Variants in NAV3 observed in about 807,000 individuals in gnomAD.
NAV3 encodes neuron navigator 3.
A neutral mutation model predicts 244.7 loss-of-function variants in NAV3; 87 were observed. The observed-to-expected ratio is 0.36, with a 90% CI of 0.30 to 0.42. The LOEUF is 0.42. Ranked by LOEUF, NAV3 falls within the 20% of genes least tolerant of loss-of-function variation. The probability of loss-of-function intolerance (pLI) is 1.00; values close to 1 mark genes in which losing one functional copy is unlikely to be tolerated. For synonymous variants in NAV3, 1,126 were observed against 1,042.2 expected (o/e 1.08, Z -1.55); for missense variants, 2,663 against 2,893.3 (o/e 0.92, Z 1.83).
chr12:77,790,899 C>T (rs1048929559), intron 2 of NAV3, among the ~76,000 whole-genome samples: 2 of 152,134 alleles, frequency 1.3e-5, no homozygotes, highest in Admixed American at 6.5e-5. Flanking sequence ...CTTTCCTCTG[C>T]TGATGGTTTT....
intron 2 of NAV3, among the ~76,000 whole-genome samples, chr12:77,811,309 G>T (rs992223828): frequency 1.3e-5 from 2 of 152,034 alleles, no homozygotes; most frequent in Admixed American, 1.3e-4. Flanking sequence ...GCATACAAAA[G>T]CCCCTGCCCT....
chr12:77,656,407 ACTAT>A (rs1873106683), intron 2 of NAV3, among the ~76,000 whole-genome samples: 1 of 125,172 alleles, frequency 8.0e-6, no homozygotes, highest in Non-Finnish European at 1.6e-5. Flanking sequence ...AGAGGAGCTA[ACTAT>A]CCTAAATATA....
chr12:78,083,511 T>A (rs1195473342), intron 12 of NAV3, among the ~76,000 whole-genome samples: 1 of 152,204 alleles, frequency 6.6e-6, no homozygotes, highest in Non-Finnish European at 1.5e-5. Context: ...ATTTTTGACT[T>A]TCTAACACTA....
intron 2 of NAV3, among the ~76,000 whole-genome samples, chr12:77,823,258 CAGAG>C (rs149875851): frequency 6.6e-6 from 1 of 150,738 alleles, no homozygotes; most frequent in Non-Finnish European, 1.5e-5. Context: ...GAAGGAACTG[CAGAG>C]AGAGAGAGAG....
intron 5 of NAV3, among the ~76,000 whole-genome samples, chr12:77,971,728 T>C (rs1387587006): frequency 1.3e-5 from 2 of 152,106 alleles, no homozygotes; most frequent in East Asian, 1.9e-4. Context: ...CAAAGTTCTT[T>C]CCAAGTAAAT....
intron 12 of NAV3, among the ~76,000 whole-genome samples, chr12:78,089,522 T>TCTTTA (rs1953814018): frequency 6.6e-6 from 1 of 152,152 alleles, no homozygotes; most frequent in African/African-American, 2.4e-5. Flanking sequence ...AGGTTTCTTT[T>TCTTTA]CTTTATTTTT....
At chr12:78,181,115 T>G in intron 30 of NAV3, 70 bp downstream of exon 30, 3 of 1,449,302 alleles carry the variant, frequency 2.1e-6, no homozygotes, top group Non-Finnish European at 2.9e-6. Flanking sequence ...GCCTGGAATT[T>G]GGAGAACTTT....
chr12:77,789,968 G>T (rs1400798129), intron 2 of NAV3, among the ~76,000 whole-genome samples: 1 of 152,094 alleles, frequency 6.6e-6, no homozygotes, highest in African/African-American at 2.4e-5. Context: ...GGAAAACCCT[G>T]GTCTAGAATA....
intron 9 of NAV3, among the ~76,000 whole-genome samples, chr12:78,030,615 A>G (rs369751725): frequency 9.9e-5 from 15 of 152,272 alleles, no homozygotes; most frequent in African/African-American, 3.6e-4. Context: ...TCTTTTCAGT[A>G]ATTATCACCT....
At chr12:77,656,981 C>T (rs562126984) in intron 2 of NAV3, among the ~76,000 whole-genome samples, 1 of 152,276 alleles carries the variant, frequency 6.6e-6, no homozygotes, top group Non-Finnish European at 1.5e-5. Flanking sequence ...AAATTTATAG[C>T]ACTAAATGCC....
rs190627783 is a variant in NAV3 at position 77,794,906 on chromosome 12, A to G, written c.73-145413A>G. Among the ~76,000 whole-genome samples, 466 of 152,274 alleles carry G rather than the reference A, an allele frequency of 3.1e-3. 3 individuals are homozygous for G. Among genetic ancestry groups the G allele is most frequent in the Non-Finnish European group, 3.9e-3 (264 of 68,008 alleles). On this transcript the variant is annotated intron_variant, in intron 2 of 8. Coordinates refer to the NAV3 transcript ENST00000550042. The stretch of plus-strand genomic sequence containing the variant: ...AGCTCCACCAATCGGCCATTTCCCC[A>G]TCTCTGTCCCTCTCCCTGGGCCTTA...
intron 2 of NAV3, among the ~76,000 whole-genome samples, chr12:77,760,592 G>A (rs1001905835): frequency 1.1e-4 from 17 of 152,138 alleles, no homozygotes; most frequent in Non-Finnish European, 2.2e-4. Flanking sequence ...TGAAGAAGTT[G>A]CATTGAAAAT....
At chr12:77,914,830 T>G (rs994175821) in intron 1 of NAV3, among the ~76,000 whole-genome samples, 4 of 100,992 alleles carry the variant, frequency 4.0e-5, no homozygotes, top group Non-Finnish European at 8.1e-5. Flanking sequence ...ATGCAGAGAT[T>G]CTTTGTCTTT....
chr12:78,145,229 C>T (rs776818394), intron 20 of NAV3: 13 of 158,382 alleles, frequency 8.2e-5, no homozygotes, highest in Non-Finnish European at 1.4e-4. Flanking sequence ...TAGGATTCTA[C>T]CACTTAGCCA....
At chr12:77,595,226 TAAA>T (rs1052318991) in intron 2 of NAV3, among the ~76,000 whole-genome samples, 1 of 151,124 alleles carries the variant, frequency 6.6e-6, no homozygotes, top group Non-Finnish European at 1.5e-5. Flanking sequence ...TGTTCAGCTT[TAAA>T]AAAAAAGAAA....
At chr12:78,168,504 G>T (rs1957871672) in intron 23 of NAV3, among the ~76,000 whole-genome samples, 1 of 151,538 alleles carries the variant, frequency 6.6e-6, no homozygotes, top group South Asian at 2.1e-4. Flanking sequence ...ACCTTTGAAA[G>T]GAATAAAGAC....
At chr12:77,973,578 C>T (rs1431557800) in intron 5 of NAV3, among the ~76,000 whole-genome samples, 5 of 152,116 alleles carry the variant, frequency 3.3e-5, no homozygotes, top group South Asian at 2.1e-4. Flanking sequence ...CCAAGGTTCC[C>T]GTGACCCCTA....
intron 16 of NAV3, among the ~76,000 whole-genome samples, chr12:78,124,898 G>A (rs993175221): frequency 2.6e-5 from 4 of 152,148 alleles, no homozygotes; most frequent in African/African-American, 9.7e-5. Flanking sequence ...ATATTAAGCT[G>A]TAAAAAGTAC....
intron 33 of NAV3, 114 bp downstream of exon 33, chr12:78,188,891 T>C (rs1374453849): frequency 1.6e-5 from 14 of 894,704 alleles, no homozygotes; most frequent in South Asian, 9.5e-5. Flanking sequence ...GAAAACTCTG[T>C]AGTATTTTAA....
Sources: gnomAD v4.1 joint callset for allele counts (sites outside exome capture counted in the v4.1 genomes callset) on GRCh38, gnomAD v4.1.1 for gene constraint, MANE v1.5 for transcripts, NCBI Gene and HGNC (gene_info 2026-07-23, HGNC 2026-07-21) for gene names.